Variants in GABRG3 observed in about 807,000 individuals in gnomAD.
GABRG3 encodes the protein gamma-aminobutyric acid receptor subunit gamma-3.
In GABRG3, 25 loss-of-function variants were observed where a neutral mutation model predicts 48.8. The observed-to-expected ratio is 0.51, with a 90% confidence interval of 0.37 to 0.72. The LOEUF is 0.72. Ranked by LOEUF, GABRG3 falls within the 30% of genes least tolerant of loss-of-function variation. GABRG3 has a pLI of 0.00. For missense variants in GABRG3, 394 were observed against 577.9 expected, an observed-to-expected ratio of 0.68 and a Z score of 3.26; for synonymous variants, 227 against 217.6, an observed-to-expected ratio of 1.04 and a Z score of -0.38.
At chr15:27,412,081 T>C (rs1887814358) in intron 5 of GABRG3, among the ~76,000 whole-genome samples, 1 of 152,262 alleles carries the variant, frequency 6.6e-6, no homozygotes, top group African/African-American at 2.4e-5. Context: ...TTCATTTTTC[T>C]GTGAGTCTGT....
chr15:27,360,338 C>T (rs74004995), intron 5 of GABRG3, among the ~76,000 whole-genome samples: 4,452 of 152,114 alleles, frequency 0.029, 193 homozygotes, highest in African/African-American at 0.098. Context: ...TGGAATGGGC[C>T]GCGACCCCGG....
At chr15:27,162,126 A>G (rs1887214259) in intron 3 of GABRG3, among the ~76,000 whole-genome samples, 1 of 152,188 alleles carries the variant, frequency 6.6e-6, no homozygotes, top group Non-Finnish European at 1.5e-5. Context: ...CTGACCCAAA[A>G]TATCTGGGGA....
At chr15:27,051,314 C>G (rs1186433336) in intron 3 of GABRG3, among the ~76,000 whole-genome samples, 1 of 152,128 alleles carries the variant, frequency 6.6e-6, no homozygotes, top group Non-Finnish European at 1.5e-5. Context: ...TTATGTCCCT[C>G]CAAAATGCAT....
chr15:26,971,350 C>A lies in GABRG3; in HGVS notation c.-186C>A. 8.3e-6 allele frequency: 3 copies of A among 359,948 alleles called. No homozygotes were observed. The highest frequency in any genetic ancestry group is 1.5e-5 in the Non-Finnish European group (3 of 206,572). The allele number at this position is 359,948 out of a possible 1,614,324, so 22.3% of individuals were successfully genotyped here. A position where few individuals can be genotyped will look rare whatever the true frequency, so the allele number is the denominator to read the frequency against. ...GGCGCGCCGCGGTGGCCCGGCGTCCCGTGTGCGTCCAGTGTGCGCCCCGCG... is the reference window on the plus strand; with the variant it reads ...GGCGCGCCGCGGTGGCCCGGCGTCCAGTGTGCGTCCAGTGTGCGCCCCGCG... On this transcript the variant is annotated 5_prime_UTR_variant, in exon 1 of 10. Coordinates refer to ENST00000615808, the MANE Select transcript of GABRG3 (RefSeq NM_033223.5).
intron 5 of GABRG3, among the ~76,000 whole-genome samples, chr15:27,332,967 A>G (rs1035350092): frequency 6.6e-6 from 1 of 152,236 alleles, no homozygotes; most frequent in African/African-American, 2.4e-5. Flanking sequence ...TAAGGATCAC[A>G]TTTTAAAAAT....
intron 6 of GABRG3, among the ~76,000 whole-genome samples, chr15:27,493,959 G>T (rs748839993): frequency 6.6e-6 from 1 of 152,182 alleles, no homozygotes; most frequent in African/African-American, 2.4e-5. Flanking sequence ...CTTGGCTCTC[G>T]ATTGGATTTT....
intron 5 of GABRG3, among the ~76,000 whole-genome samples, chr15:27,329,986 A>C (rs1893750118): frequency 6.6e-6 from 1 of 152,172 alleles, no homozygotes; most frequent in Non-Finnish European, 1.5e-5. Context: ...TCACGCCTGT[A>C]ATCCCAGCAC....
At chr15:27,047,982 T>C (rs1281564501) in intron 3 of GABRG3, among the ~76,000 whole-genome samples, 1 of 152,058 alleles carries the variant, frequency 6.6e-6, no homozygotes, top group East Asian at 1.9e-4. Context: ...TGAGCAGGGG[T>C]CCCAGAAAAT....
At chr15:27,513,487 G>A (rs1890949451) in intron 6 of GABRG3, among the ~76,000 whole-genome samples, 1 of 151,914 alleles carries the variant, frequency 6.6e-6, no homozygotes, top group South Asian at 2.1e-4. Flanking sequence ...CACATTACAA[G>A]TAGCTGTTAC....
chr15:27,063,084 A>G (rs1408754292), intron 3 of GABRG3, among the ~76,000 whole-genome samples: 2 of 152,218 alleles, frequency 1.3e-5, no homozygotes, highest in Non-Finnish European at 2.9e-5. Context: ...GAATGAGCTC[A>G]AAGGATGAAA....
intron 3 of GABRG3, among the ~76,000 whole-genome samples, chr15:27,047,015 G>A (rs1313642810): frequency 6.6e-6 from 1 of 152,160 alleles, no homozygotes; most frequent in South Asian, 2.1e-4. Flanking sequence ...GGTGAAAGAC[G>A]ATGTAAGATA....
chr15:27,353,421 T>G (rs990578104), intron 5 of GABRG3, among the ~76,000 whole-genome samples: 1 of 149,308 alleles, frequency 6.7e-6, no homozygotes, highest in Non-Finnish European at 1.5e-5. Flanking sequence ...TAGTTTTCTT[T>G]CTTTCTATTT....
intron 7 of GABRG3, among the ~76,000 whole-genome samples, chr15:27,523,932 C>G (rs1369679446): frequency 6.6e-6 from 1 of 151,566 alleles, no homozygotes; most frequent in African/African-American, 2.4e-5. Context: ...CACTGGAGTT[C>G]CAGAAAAAGA....
Position 26,977,067 on chromosome 15 carries a change from C to A in GABRG3, c.119C>A (p.Pro40Gln). 3 of 1,613,846 alleles carry A rather than the reference C, an allele frequency of 1.9e-6. No homozygotes were observed. Among genetic ancestry groups the A allele is most frequent in the Non-Finnish European group, 2.5e-6 (3 of 1,179,792 alleles). ...SSSNQKWVLAPKSQDTDVTLI... is the reference protein window; with the variant it reads ...SSSNQKWVLAQKSQDTDVTLI... ...TCAAACCAAAAGTGGGTCTTGGCTC[C>A]AAAATCCCAAGACACCGACGTGACT... The change falls in exon 2 of 10, where the codon CCA becomes CAA. Residue 40 changes from proline to glutamine, a missense_variant. Physicochemically the swap from Pro to Gln is moderately conservative, Grantham distance 76 (BLOSUM62 -1). This residue lies in a region of GABRG3 where 218 missense variants were observed against 309.9 expected (regional missense o/e 0.70). Coordinates refer to ENST00000615808, the MANE Select transcript of GABRG3 (RefSeq NM_033223.5).
At position 27,308,499 on chromosome 15, in the gene GABRG3, TTATA is replaced by T. The variant is rs201101561; in HGVS notation, c.271-18307_271-18304del. ...AACATATAATGTAAACATACATGTT[TTATA>T]TAAACATAATGTAAACATACATGTT... On this transcript the variant is annotated intron_variant, in intron 3 of 9. Coordinates refer to ENST00000615808, the MANE Select transcript of GABRG3 (RefSeq NM_033223.5). Among the ~76,000 whole-genome samples, 3 of 148,214 alleles carry T rather than the reference TTATA, an allele frequency of 2.0e-5. No homozygotes were observed. The East Asian group carries it at 6.3e-4, about 31-fold the overall frequency.
At chr15:27,193,044 C>A (rs1313146369) in intron 3 of GABRG3, among the ~76,000 whole-genome samples, 1 of 152,106 alleles carries the variant, frequency 6.6e-6, no homozygotes, top group African/African-American at 2.4e-5. Context: ...TTTCGTGAAC[C>A]GCGAATGCTG....
rs528911993 is a variant in GABRG3, at chr15:27,105,757, A to G, written c.270+78936A>G. The stretch of plus-strand genomic sequence containing the variant: ...ATGCTGATTTTTAACAAAATTAAAA[A>G]TAGAACTACTATATGACCTCTCTTC... On this transcript the variant is annotated intron_variant, in intron 3 of 9. Transcript: ENST00000615808. Among the ~76,000 whole-genome samples the G allele has an allele frequency of 1.4e-4, 21 of 152,256 alleles. No individual in the cohort carries two copies. In the South Asian group the frequency reaches 3.7e-3, roughly 27 times the overall value.
intron 3 of GABRG3, among the ~76,000 whole-genome samples, chr15:27,267,947 A>AT (rs1890971049): frequency 6.6e-6 from 1 of 152,084 alleles, no homozygotes; most frequent in South Asian, 2.1e-4. Flanking sequence ...TCAATATACT[A>AT]TTTTTAAAAA....
chr15:27,332,806 C>T (rs1320141707), intron 5 of GABRG3, among the ~76,000 whole-genome samples: 2 of 152,024 alleles, frequency 1.3e-5, no homozygotes, highest in African/African-American at 2.4e-5. Context: ...TCTGAGTTTC[C>T]AATATATGCA....
Sources: gnomAD v4.1 joint callset for allele counts (sites outside exome capture counted in the v4.1 genomes callset) on GRCh38, gnomAD v4.1.1 for gene constraint, gnomAD v4.1.1 regional missense constraint, MANE v1.5 for transcripts, NCBI Gene and HGNC (gene_info 2026-07-23, HGNC 2026-07-21) for gene names.